The following FBXL13 variants were observed in gnomAD, a reference collection of about 807,000 sequenced individuals.
FBXL13 encodes F-box and leucine rich repeat protein 13, also known as F-box and leucine-rich repeat protein 13.
Under a neutral mutation model 83.6 loss-of-function variants are expected in FBXL13, and 67 were observed. That is an observed-to-expected ratio of 0.80 (90% CI 0.66 to 0.98). FBXL13 has a LOEUF of 0.98. Among genes scored for constraint, FBXL13 ranks in the 50% least tolerant of loss-of-function variants. The pLI is 0.00. For missense variants in FBXL13, 822 were observed against 866.5 expected (o/e 0.95, Z 0.64); for synonymous variants, 272 against 299.5 (o/e 0.91, Z 0.95).
intron 11 of FBXL13, among the ~76,000 whole-genome samples, chr7:102,884,621 G>C (rs892242306): frequency 6.6e-6 from 1 of 151,620 alleles, no homozygotes; most frequent in Admixed American, 6.6e-5. Context: ...GGCCAGCCTG[G>C]GCAACACAGC....
intron 19 of FBXL13, among the ~76,000 whole-genome samples, chr7:102,821,819 G>A (rs1055948212): frequency 1.3e-5 from 2 of 152,116 alleles, no homozygotes; most frequent in African/African-American, 4.8e-5. Context: ...AGTCAAGGAA[G>A]GGAAGATGCT....
chr7:102,893,502 C>T (rs1050704175), intron 11 of FBXL13, among the ~76,000 whole-genome samples: 10 of 152,124 alleles, frequency 6.6e-5, no homozygotes, highest in Non-Finnish European at 7.4e-5. Context: ...CGCGGTGGCT[C>T]GCGCCTGTAA....
At chr7:102,954,094 G>A (rs1190078900) in intron 8 of FBXL13, among the ~76,000 whole-genome samples, 2 of 152,096 alleles carry the variant, frequency 1.3e-5, no homozygotes, top group Non-Finnish European at 2.9e-5. Flanking sequence ...AGTGGGTGCA[G>A]CCCACACAGG....
intron 10 of FBXL13, among the ~76,000 whole-genome samples, chr7:102,924,326 C>T (rs1019960084): frequency 6.6e-6 from 1 of 151,818 alleles, no homozygotes; most frequent in Admixed American, 6.6e-5. Flanking sequence ...AGTTTGCTGA[C>T]CCCTGATTTA....
intron 16 of FBXL13, among the ~76,000 whole-genome samples, chr7:102,867,668 CATATATAT>C (rs200661242): frequency 0.038 from 2,734 of 72,542 alleles, 88 homozygotes; most frequent in Middle Eastern, 0.048. Flanking sequence ...TAGACTTAGA[CATATATAT>C]ATATATATAT....
intron 11 of FBXL13, among the ~76,000 whole-genome samples, chr7:102,903,948 T>TC (rs1486912507): frequency 2.8e-5 from 4 of 143,332 alleles, no homozygotes; most frequent in Admixed American, 2.7e-4. Context: ...TCTTTTTTTT[T>TC]TTTTTTTTTT....
chr7:102,855,751 A>G (rs2129451628), intron 16 of FBXL13, among the ~76,000 whole-genome samples: 1 of 150,782 alleles, frequency 6.6e-6, no homozygotes, highest in Admixed American at 6.7e-5. Flanking sequence ...TTTTATTTGC[A>G]GGATTGGTTT....
At chr7:102,901,509 AT>A (rs199992019) in intron 11 of FBXL13, among the ~76,000 whole-genome samples, 204 of 151,858 alleles carry the variant, frequency 1.3e-3, no homozygotes, top group African/African-American at 3.1e-3. Flanking sequence ...TATTCTTTCT[AT>A]TTTTTTTATA....
chr7:103,066,308 A>G (rs978724871), intron 1 of FBXL13, among the ~76,000 whole-genome samples: 4 of 152,308 alleles, frequency 2.6e-5, no homozygotes, highest in Admixed American at 2.0e-4. Context: ...ACATCTTTCA[A>G]TAAAATTTTA....
At chr7:102,836,639 T>C (rs969122505) in intron 17 of FBXL13, among the ~76,000 whole-genome samples, 4 of 152,218 alleles carry the variant, frequency 2.6e-5, no homozygotes, top group African/African-American at 9.6e-5. Context: ...AATTTTGCTG[T>C]GTGTTGGCAA....
intron 10 of FBXL13, among the ~76,000 whole-genome samples, chr7:102,918,836 T>C (rs148097738): frequency 5.4e-4 from 82 of 152,342 alleles, no homozygotes; most frequent in African/African-American, 1.9e-3. Flanking sequence ...CAATGATTTA[T>C]GGATTTTATA....
chr7:102,997,075 A>G (rs899871041), intron 6 of FBXL13, among the ~76,000 whole-genome samples: 14 of 152,198 alleles, frequency 9.2e-5, no homozygotes, highest in African/African-American at 2.9e-4. Context: ...AGATTTTCCA[A>G]AACCTTATCC....
chr7:103,072,184 A>T (rs145541970), intron 1 of FBXL13, among the ~76,000 whole-genome samples: 6 of 148,362 alleles, frequency 4.0e-5, no homozygotes, highest in African/African-American at 1.5e-4. Context: ...CTCTGTCTCA[A>T]AAAAAAAAAA....
At chr7:102,949,649 G>T (rs1823104813) in intron 8 of FBXL13, among the ~76,000 whole-genome samples, 1 of 152,166 alleles carries the variant, frequency 6.6e-6, no homozygotes, top group Admixed American at 6.5e-5. Context: ...AGTTGTTTCT[G>T]TGATGAAGAC....
At chr7:102,937,144 C>T (rs1437963453) in intron 8 of FBXL13, among the ~76,000 whole-genome samples, 1 of 152,080 alleles carries the variant, frequency 6.6e-6, no homozygotes, top group East Asian at 1.9e-4. Flanking sequence ...CATCAAAGAA[C>T]AACTTAAGTT....
chr7:102,879,941 C>T (rs1350670137), intron 14 of FBXL13, among the ~76,000 whole-genome samples: 2 of 152,158 alleles, frequency 1.3e-5, no homozygotes, highest in African/African-American at 4.8e-5. Flanking sequence ...CTCCTGACCT[C>T]GTGATCCGCC....
intron 17 of FBXL13, among the ~76,000 whole-genome samples, chr7:102,833,549 T>C (rs1359978341): frequency 6.6e-6 from 1 of 151,470 alleles, no homozygotes; most frequent in African/African-American, 2.4e-5. Context: ...CTTGTGCCTC[T>C]TGTGCCTATT....
intron 18 of FBXL13, among the ~76,000 whole-genome samples, chr7:102,826,037 T>C (rs1308980311): frequency 6.6e-6 from 1 of 152,184 alleles, no homozygotes; most frequent in Non-Finnish European, 1.5e-5. Flanking sequence ...CCTTTGCCAT[T>C]AATATATGTG....
At chr7:103,017,631 G>A (rs1792527964) in intron 6 of FBXL13, among the ~76,000 whole-genome samples, 1 of 152,180 alleles carries the variant, frequency 6.6e-6, no homozygotes, top group Non-Finnish European at 1.5e-5. Flanking sequence ...GTCCTTAAAT[G>A]ATCTGATGGA....
Sources: allele counts gnomAD v4.1 joint callset (sites outside exome capture counted in the v4.1 genomes callset), GRCh38; gene constraint gnomAD v4.1.1; transcripts MANE v1.5; gene names NCBI Gene and HGNC (gene_info 2026-07-23, HGNC 2026-07-21).